Variants in SLC25A23 observed in about 807,000 individuals in gnomAD.
SLC25A23 encodes the protein solute carrier family 25 member 23, also known as mitochondrial adenyl nucleotide antiporter SLC25A23.
A neutral mutation model predicts 53.9 loss-of-function variants in SLC25A23; 32 were observed. That is an observed-to-expected ratio of 0.59 (90% CI 0.45 to 0.80). SLC25A23 has a LOEUF of 0.80. Ranked by LOEUF, SLC25A23 falls within the 30% of genes least tolerant of loss-of-function variation. SLC25A23 has a pLI of 0.00. For synonymous variants in SLC25A23, 275 were observed against 264.5 expected, an observed-to-expected ratio of 1.04 and a Z score of -0.38; for missense variants, 575 against 651.4, an observed-to-expected ratio of 0.88 and a Z score of 1.28.
chr19:6,456,183 C>G (rs1281638424), intron 4 of SLC25A23: 2 of 1,299,454 alleles, frequency 1.5e-6, no homozygotes, highest in East Asian at 2.6e-5. Context: ...TCCCCAGAGG[C>G]CCCGATGTAA....
chr19:6,453,428 C>T (rs1037029883), intron 7 of SLC25A23, among the ~76,000 whole-genome samples: 13 of 151,944 alleles, frequency 8.6e-5, no homozygotes, highest in South Asian at 4.2e-4. Flanking sequence ...TTAGTAGAGA[C>T]GGTATTTCAC....
rs1344994619 is a variant in SLC25A23, at chr19:6,454,882, CA to C, written c.484-166del. 2.0e-5 allele frequency among the ~76,000 whole-genome samples: 3 copies of C among 152,120 alleles called. No homozygotes were observed. Among genetic ancestry groups the C allele is most frequent in the Non-Finnish European group, 4.4e-5 (3 of 67,990 alleles). ...AGTCCTGTTGGGTCCTACCAGGTGT[CA>C]CCAAAGCATCTAACCTAGCAGCCTC... On this transcript the variant is annotated intron_variant, in intron 4 of 9. Transcript: ENST00000301454. This position sits in a 1 kb window ranked among gnomAD's most constrained non-coding sequence, Gnocchi z 4.3.
At chr19:6,439,706 T>C (rs2092391347), downstream of SLC25A23, among the ~76,000 whole-genome samples, 1 of 151,934 alleles carries the variant, frequency 6.6e-6, no homozygotes, top group Non-Finnish European at 1.5e-5. Flanking sequence ...GGTGGGTGCC[T>C]GTAATCCCAG....
In SLC25A23 at chr19:6,454,391, G is replaced by C; in HGVS notation, c.727C>G (p.Arg243Gly). 6.2e-7 allele frequency: 1 copy of C among 1,614,168 alleles called. No homozygotes were observed. Residue 243 changes from arginine (R) to glycine (G), a missense_variant, in exon 6 of 10, where the codon CGC becomes GGC. Arg to Gly is a moderately radical substitution (Grantham distance 125, BLOSUM62 -2). Transcript: ENST00000301454. This position sits in a 1 kb window ranked among gnomAD's most constrained non-coding sequence, Gnocchi z 4.3. ...VLEGGIRSLW[R>G]GNGINVLKIA... The stretch of plus-strand genomic sequence containing the variant: ...TTGAGTACATTAATACCATTGCCGC[G>C]CCACAGGGAGCGGATGCCTCCCTCA...
intron 4 of SLC25A23, among the ~76,000 whole-genome samples, chr19:6,455,330 G>A (rs115480934): frequency 1.2e-3 from 182 of 152,136 alleles, no homozygotes; most frequent in African/African-American, 3.8e-3. Flanking sequence ...TCCCACTCAA[G>A]GGTTTTCCAT....
At chr19:6,447,254 G>A (rs1483093353) in intron 8 of SLC25A23, among the ~76,000 whole-genome samples, 5 of 151,820 alleles carry the variant, frequency 3.3e-5, no homozygotes, top group Admixed American at 6.6e-5. Context: ...TTGTCCTCAC[G>A]TCCCAGTTTC....
At chr19:6,453,934 G>A in intron 7 of SLC25A23, 47 bp downstream of exon 7, 1 of 1,489,832 alleles carries the variant, frequency 6.7e-7, no homozygotes. Flanking sequence ...GGTACAGCAG[G>A]CCCCCCACCC....
chr19:6,455,752 C>T (rs2092672347), intron 4 of SLC25A23, among the ~76,000 whole-genome samples: 1 of 134,472 alleles, frequency 7.4e-6, no homozygotes, highest in African/African-American at 2.8e-5. Flanking sequence ...GAGTGTGGCT[C>T]TGTCACCCAG....
intron 9 of SLC25A23, chr19:6,443,740 G>A (rs1310143913): frequency 4.6e-6 from 3 of 654,586 alleles, no homozygotes; most frequent in Non-Finnish European, 8.3e-6. Flanking sequence ...GAGGGTAGTG[G>A]TGGAGGGGAC....
In SLC25A23 at chr19:6,441,969, G is replaced by T. The variant is rs77096498; in HGVS notation, c.*6C>A. On this transcript the variant is annotated 3_prime_UTR_variant, in exon 10 of 10. Coordinates refer to ENST00000301454, the MANE Select transcript of SLC25A23 (RefSeq NM_024103.3). ...TGAGGGATTGGGGGGACGGGCTCCG[G>T]GTCCCTCACCTGGACGTGACCCCCA... is the stretch of plus-strand genomic sequence containing the variant. The T allele has an allele frequency of 2.3e-3, 3,758 of 1,613,136 alleles. 80 individuals carry two copies. The African/African-American group carries it at 0.044, about 19-fold the overall frequency.
chr19:6,444,489 G>A (rs1435483088), intron 8 of SLC25A23, among the ~76,000 whole-genome samples, 188 bp from the exon 9 acceptor site: 1 of 152,098 alleles, frequency 6.6e-6, no homozygotes, highest in Non-Finnish European at 1.5e-5. Flanking sequence ...CTCTCTGGTA[G>A]GTGGAATAAG....
rs1249123883 is a variant in SLC25A23, at chr19:6,454,516, G to A, written c.643-41C>T. ...ACAGCTTGGAGGTCCCCTCCCAGGT[G>A]TCAGGCCTGGGGGAGGGGGCAGGTC... On this transcript the variant is annotated intron_variant, in intron 5 of 9. Coordinates refer to ENST00000301454, the MANE Select transcript of SLC25A23 (RefSeq NM_024103.3). This position sits in a 1 kb window ranked among gnomAD's most constrained non-coding sequence, Gnocchi z 4.3. 1.2e-6 allele frequency: 2 copies of A among 1,613,306 alleles called. No individual in the cohort carries two copies. The highest frequency in any genetic ancestry group is 2.7e-5 in the African/African-American group (2 of 74,928).
In SLC25A23 at chr19:6,459,239, C is replaced by A. The variant is rs913167117; in HGVS notation, c.156+234G>T. Among the ~76,000 whole-genome samples, 1 of 152,150 alleles carries A rather than the reference C, an allele frequency of 6.6e-6. No individual in the cohort carries two copies. Among genetic ancestry groups the A allele is most frequent in the African/African-American group, 2.4e-5 (1 of 41,442 alleles). ...TCCCAGGCAGACGCCCCCTGCCCCGCAGCAGGGGGATCGGGTGTTGGCCGC... is the reference window on the plus strand; with the variant it reads ...TCCCAGGCAGACGCCCCCTGCCCCGAAGCAGGGGGATCGGGTGTTGGCCGC... On this transcript the variant is annotated intron_variant, in intron 1 of 9. Transcript: ENST00000301454. This position sits in a 1 kb window ranked among gnomAD's most constrained non-coding sequence, Gnocchi z 4.6.
chr19:6,454,122 A>G lies in SLC25A23; in HGVS notation c.796-34T>C, dbSNP rs1397911062. On this transcript the variant is annotated intron_variant, in intron 6 of 9. Transcript: ENST00000301454. The surrounding 1 kb of genome is among the most constrained non-coding windows in gnomAD (Gnocchi z 4.3). ...GGGAGACACAGGGATGGGTAGGACC[A>G]TGGGGGTTGAACCTTCCTTGCACTC... 2 of 1,591,266 alleles carry G rather than the reference A, an allele frequency of 1.3e-6. No homozygotes were observed. Among genetic ancestry groups the G allele is most frequent in the Non-Finnish European group, 1.7e-6 (2 of 1,166,356 alleles).
Position 6,449,235 on chromosome 19 carries a change from C to A in SLC25A23, c.1071+3077G>T, listed in dbSNP as rs539863131. ...GCATTAAATAATAAGACTGTGTCTT[C>A]TTTCTGTCTTTCTTTCTTTCTTTTT... is the stretch of plus-strand genomic sequence containing the variant. On this transcript the variant is annotated intron_variant, in intron 8 of 9. Transcript: ENST00000301454. Among the ~76,000 whole-genome samples the A allele has an allele frequency of 4.0e-5, 6 of 150,508 alleles. 1 individual carries two copies. The South Asian group carries it at 1.3e-3, about 32-fold the overall frequency.
chr19:6,444,305 G>A lies in SLC25A23; in HGVS notation c.1072-4C>T, dbSNP rs1280676274. 6.9e-7 allele frequency: 1 copy of A among 1,454,270 alleles called. No individual in the cohort carries two copies. The highest frequency in any genetic ancestry group is 9.4e-7 in the Non-Finnish European group (1 of 1,062,708). 90.1% of individuals were successfully genotyped at this position (1,454,270 alleles called of 1,614,324 possible). On this transcript the variant is annotated splice_polypyrimidine_tract_variant and splice_region_variant and intron_variant, in intron 8 of 9. Transcript: ENST00000301454. ...GAAGCCACCAGTTCTTCAGAGTCTG[G>A]AGTGGAGAAGGGAGTAGGGAGGGTT...
chr19:6,442,171 C>CT lies in SLC25A23; in HGVS notation c.1223-13_1223-12insA. On this transcript the variant is annotated splice_polypyrimidine_tract_variant and intron_variant, in intron 9 of 9. Coordinates refer to ENST00000301454, the MANE Select transcript of SLC25A23 (RefSeq NM_024103.3). Reference sequence around the variant, plus strand: ...ACCCTCGATGGAGGCTGGGAGGGGGCGGGGGGGGCACCAGGTAAGGCCAAC... The same window carrying CT: ...ACCCTCGATGGAGGCTGGGAGGGGGCTGGGGGGGGCACCAGGTAAGGCCAAC... The CT allele has an allele frequency of 1.7e-6, 1 of 597,882 alleles. No homozygotes were observed. The highest frequency in any genetic ancestry group is 2.0e-5 in the African/African-American group (1 of 49,758). The allele number at this position is 597,882 out of a possible 1,614,324, so 37.0% of individuals were successfully genotyped here.
chr19:6,456,399 G>A (rs762477126), intron 4 of SLC25A23, 21 bp downstream of exon 4: 25 of 1,610,444 alleles, frequency 1.6e-5, no homozygotes, highest in Non-Finnish European at 2.1e-5. Context: ...CTTCAGCTGG[G>A]GAAAGCCACC....
intron 7 of SLC25A23, among the ~76,000 whole-genome samples, chr19:6,453,197 A>G (rs1368759956): frequency 6.6e-6 from 1 of 151,238 alleles, no homozygotes; most frequent in Non-Finnish European, 1.5e-5. Flanking sequence ...CTACCATCCC[A>G]GCCTGAAATG....
Sources: gnomAD v4.1 joint callset for allele counts (sites outside exome capture counted in the v4.1 genomes callset) on GRCh38, gnomAD v4.1.1 for gene constraint, Gnocchi (gnomAD v3.1) non-coding constraint, MANE v1.5 for transcripts, NCBI Gene and HGNC (gene_info 2026-07-23, HGNC 2026-07-21) for gene names.